Variants in CCDC80 observed in about 807,000 individuals in gnomAD.
The protein encoded by CCDC80 is coiled-coil domain-containing protein 80.
In CCDC80, 49 loss-of-function variants were observed where a neutral mutation model predicts 78.7. The observed-to-expected ratio is 0.62, with a 90% confidence interval of 0.50 to 0.79. The LOEUF is 0.79. Ranked by LOEUF, CCDC80 falls within the 30% of genes least tolerant of loss-of-function variation. The pLI is 0.00. For missense variants in CCDC80, 1,205 were observed against 1,198.6 expected (o/e 1.01, Z -0.08); for synonymous variants, 488 against 447.0 (o/e 1.09, Z -1.16).
Position 112,639,470 on chromosome 3 carries a change from C to A in CCDC80, c.436G>T (p.Ala146Ser), listed in dbSNP as rs1303698345. The change falls in exon 2 of 8, where the codon GCA (alanine) becomes TCA (serine). Residue 146 changes from alanine to serine, a missense_variant. Ala to Ser is a moderately conservative substitution (Grantham distance 99). Coordinates refer to ENST00000206423, the MANE Select transcript of CCDC80 (RefSeq NM_199511.3). ...ATGACCCATACTCTGTTCTTCCCTGCAAAGCTGGCAAGGATGTTGGGAGAG... is the reference window on the plus strand; with the variant it reads ...ATGACCCATACTCTGTTCTTCCCTGAAAAGCTGGCAAGGATGTTGGGAGAG... ...SSSPNILASF[A>S]GKNRVWVISA... is the part of the protein sequence containing the mutation. 3.7e-6 allele frequency: 6 copies of A among 1,614,080 alleles called. No homozygotes were observed. The African/African-American group carries it at 8.0e-5, about 22-fold the overall frequency.
Position 112,599,842 on chromosome 3 carries a change from TG to T in CCDC80, c.*5574del, listed in dbSNP as rs1283147537. ...ATATTCACCTCAGAGCCCTGGGAGATGTCTGATGAAAAGTAGTTTTTGAAGA... is the reference window on the plus strand; with the variant it reads ...ATATTCACCTCAGAGCCCTGGGAGATTCTGATGAAAAGTAGTTTTTGAAGA... On this transcript the variant is annotated 3_prime_UTR_variant, in exon 8 of 8. Transcript: ENST00000206423. 2 of 152,230 alleles carry T rather than the reference TG, an allele frequency of 1.3e-5. No individual in the cohort carries two copies. The highest frequency in any genetic ancestry group is 6.5e-5 in the Admixed American group (1 of 15,278). 9.4% of individuals were successfully genotyped at this position (152,230 alleles called of 1,614,324 possible).
Position 112,640,999 on chromosome 3 carries a change from C to T in CCDC80, c.-684G>A, listed in dbSNP as rs934060203. Reference sequence around the variant, plus strand: ...TCAGTCCCAGAAATGTTAGGACTACCTCAGTTTTGCTCCAAACCAAACTCA... The same window carrying T: ...TCAGTCCCAGAAATGTTAGGACTACTTCAGTTTTGCTCCAAACCAAACTCA... On this transcript the variant is annotated 5_prime_UTR_variant, in exon 1 of 8. Transcript: ENST00000206423. 2 of 151,968 alleles carry T rather than the reference C, an allele frequency of 1.3e-5. No individual in the cohort carries two copies. The highest frequency in any genetic ancestry group is 2.1e-4 in the South Asian group (1 of 4,820). The allele number at this position is 151,968 out of a possible 1,614,324, so 9.4% of individuals were successfully genotyped here. A position where few individuals can be genotyped will look rare whatever the true frequency, so the allele number is the denominator to read the frequency against.
At chr3:112,636,694 C>A (rs1473895938) in intron 2 of CCDC80, among the ~76,000 whole-genome samples, 1 of 151,098 alleles carries the variant, frequency 6.6e-6, no homozygotes, top group East Asian at 2.1e-4. Context: ...CTAAAAAATG[C>A]CTTGAGAAAA....
chr3:112,636,923 G>C lies in CCDC80; in HGVS notation c.1878+1105C>G, dbSNP rs1038290964. ...CCTCCTTGACAGCCTGGAGTAAAAA[G>C]CTAGTCTTAAGATCCAGGGGTGGAA... is the stretch of plus-strand genomic sequence containing the variant. On this transcript the variant is annotated intron_variant, in intron 2 of 7. Transcript: ENST00000206423. Among the ~76,000 whole-genome samples the C allele has an allele frequency of 5.9e-5, 9 of 152,170 alleles. No homozygotes were observed. The South Asian group carries it at 1.0e-3, about 18-fold the overall frequency.
intron 6 of CCDC80, among the ~76,000 whole-genome samples, chr3:112,608,484 G>C (rs1265350125): frequency 6.6e-6 from 1 of 152,146 alleles, no homozygotes; most frequent in African/African-American, 2.4e-5. Context: ...AACATGACTT[G>C]TTCGCATTTT....
rs996315654 is a variant in CCDC80, at chr3:112,599,374, G to A, written c.*6043C>T. The A allele has an allele frequency of 6.6e-6, 1 of 152,176 alleles. No individual in the cohort carries two copies. Among genetic ancestry groups the A allele is most frequent in the African/African-American group, 2.4e-5 (1 of 41,416 alleles). 9.4% of individuals were successfully genotyped at this position (152,176 alleles called of 1,614,324 possible). A position where few individuals can be genotyped will look rare whatever the true frequency, so the allele number is the denominator to read the frequency against. ...TCGGGAGCTTTACACAACTCAGAGA[G>A]AACTGAGGAAAGTAGTTAGCATGTT... On this transcript the variant is annotated 3_prime_UTR_variant, in exon 8 of 8. Transcript: ENST00000206423.
chr3:112,597,409 C>A lies in CCDC80; in HGVS notation c.*8008G>T, dbSNP rs781653585. The A allele has an allele frequency of 9.2e-5, 14 of 152,188 alleles. No homozygotes were observed. The highest frequency in any genetic ancestry group is 1.8e-4 in the Non-Finnish European group (12 of 68,018). The allele number at this position is 152,188 out of a possible 1,614,324, so 9.4% of individuals were successfully genotyped here. A position where few individuals can be genotyped will look rare whatever the true frequency, so the allele number is the denominator to read the frequency against. On this transcript the variant is annotated 3_prime_UTR_variant, in exon 8 of 8. Coordinates refer to ENST00000206423, the MANE Select transcript of CCDC80 (RefSeq NM_199511.3). ...TATTTTTCCTACTGCAGAGCTTCTT[C>A]ACGTTGGAATGGTGAATAGGTACAC...
chr3:112,619,125 A>G, intron 3 of CCDC80, 21 bp from the exon 4 acceptor site: 1 of 1,549,454 alleles, frequency 6.5e-7, no homozygotes, highest in Non-Finnish European at 8.7e-7. Flanking sequence ...ATAAAATGTG[A>G]ATGAATATGG....
intron 3 of CCDC80, among the ~76,000 whole-genome samples, chr3:112,621,678 C>G (rs1275189646): frequency 6.6e-6 from 1 of 152,144 alleles, no homozygotes; most frequent in Non-Finnish European, 1.5e-5. Context: ...GGTGTGCTGT[C>G]CAGTTGCTAC....
intron 6 of CCDC80, 28 bp from the exon 7 acceptor site, chr3:112,607,284 T>C (rs1344573391): frequency 6.4e-7 from 1 of 1,560,818 alleles, no homozygotes; most frequent in Admixed American, 1.8e-5. Flanking sequence ...ACCATAGGAT[T>C]AGAGGAAAGG....
At chr3:112,618,665 G>T (rs1297946343) in intron 4 of CCDC80, among the ~76,000 whole-genome samples, 1 of 152,110 alleles carries the variant, frequency 6.6e-6, no homozygotes, top group African/African-American at 2.4e-5. Flanking sequence ...TTATCTCCAG[G>T]ACCTCGCACA....
chr3:112,613,790 G>A (rs1298899721), intron 5 of CCDC80, among the ~76,000 whole-genome samples: 3 of 151,956 alleles, frequency 2.0e-5, no homozygotes, highest in Non-Finnish European at 4.4e-5. Context: ...AACCCTGGAA[G>A]ATTTAGAATT....
Position 112,604,332 on chromosome 3 carries a change from CTTATT to C in CCDC80, c.*1080_*1084del, listed in dbSNP as rs1449531242. The C allele has an allele frequency of 1.3e-5, 2 of 152,176 alleles. No individual in the cohort carries two copies. Among genetic ancestry groups the C allele is most frequent in the African/African-American group, 4.8e-5 (2 of 41,460 alleles). 9.4% of individuals were successfully genotyped at this position (152,176 alleles called of 1,614,324 possible). On this transcript the variant is annotated 3_prime_UTR_variant, in exon 8 of 8. Transcript: ENST00000206423. ...TCGAAGTGGCAAACTTCATTGCTGT[CTTATT>C]TTAAGAAATTGCCACCATCACCCCC...
At chr3:112,635,989 G>A (rs1016794446) in intron 2 of CCDC80, among the ~76,000 whole-genome samples, 3 of 152,128 alleles carry the variant, frequency 2.0e-5, no homozygotes, top group East Asian at 1.9e-4. Context: ...ACAAACTAGC[G>A]GCAATGGGAA....
intron 4 of CCDC80, among the ~76,000 whole-genome samples, chr3:112,618,309 A>G (rs563532746): frequency 1.3e-5 from 2 of 152,326 alleles, no homozygotes; most frequent in Non-Finnish European, 2.9e-5. Flanking sequence ...TCACGAGGTC[A>G]GGAGATCGAG....
rs190014911 is a variant in CCDC80 at position 112,637,983 on chromosome 3, C to T, written c.1878+45G>A. 8.9e-4 allele frequency: 1,376 copies of T among 1,550,342 alleles called. 17 individuals carry two copies. In the African/African-American group the frequency reaches 0.017, roughly 19 times the overall value. The stretch of plus-strand genomic sequence containing the variant: ...AACTAACAAGACAGACGTTAACATG[C>T]CCTGCCTCAGCCCATAGAAGAATGC... On this transcript the variant is annotated intron_variant, in intron 2 of 7. Transcript: ENST00000206423.
chr3:112,616,044 C>T (rs528977815), intron 5 of CCDC80, among the ~76,000 whole-genome samples: 10 of 152,278 alleles, frequency 6.6e-5, no homozygotes, highest in Middle Eastern at 6.8e-3. Context: ...GCGCGAGATC[C>T]AAGAACCCTC....
rs1202126783 is a variant in CCDC80, at chr3:112,603,173, G to A, written c.*2244C>T. 2 of 152,020 alleles carry A rather than the reference G, an allele frequency of 1.3e-5. No individual in the cohort carries two copies. The highest frequency in any genetic ancestry group is 2.9e-5 in the Non-Finnish European group (2 of 68,010). The allele number at this position is 152,020 out of a possible 1,614,324, so 9.4% of individuals were successfully genotyped here. On this transcript the variant is annotated 3_prime_UTR_variant, in exon 8 of 8. Coordinates refer to ENST00000206423, the MANE Select transcript of CCDC80 (RefSeq NM_199511.3). ...TGTCTATGGACAGCATGGTTTACTG[G>A]ACATTTTAAGCTCACTTTTTGAGTC...
At position 112,630,288 on chromosome 3, in the gene CCDC80, A is replaced by C; in HGVS notation, c.1879-19T>G. Reference sequence around the variant, plus strand: ...TGATCAGCTGGAGGTGGGTGAAGACAAACAAATACTCATTTATAGTGATAG... The same window carrying C: ...TGATCAGCTGGAGGTGGGTGAAGACCAACAAATACTCATTTATAGTGATAG... On this transcript the variant is annotated intron_variant, in intron 2 of 7. Transcript: ENST00000206423. The C allele has an allele frequency of 6.2e-7, 1 of 1,612,400 alleles. No individual in the cohort carries two copies. The highest frequency in any genetic ancestry group is 8.5e-7 in the Non-Finnish European group (1 of 1,178,616).
Sources: gnomAD v4.1 joint callset for allele counts (sites outside exome capture counted in the v4.1 genomes callset) on GRCh38, gnomAD v4.1.1 for gene constraint, MANE v1.5 for transcripts, NCBI Gene and HGNC (gene_info 2026-07-23, HGNC 2026-07-21) for gene names.